SH3PXD2B: variants seen among roughly 807,000 people sequenced by gnomAD.
The protein encoded by SH3PXD2B is SH3 and PX domain-containing protein 2B.
SH3PXD2B carries 37 observed loss-of-function variants against 73.1 expected under a neutral mutation model. The observed-to-expected ratio is 0.51, with a 90% CI of 0.39 to 0.67. The LOEUF is 0.67. SH3PXD2B is among the 30% of genes least tolerant of loss of function. The probability of loss-of-function intolerance (pLI) is 0.00; values close to 1 mark genes in which losing one functional copy is unlikely to be tolerated. For synonymous variants in SH3PXD2B, 457 were observed against 480.5 expected (o/e 0.95, Z 0.64); for missense variants, 1,053 against 1,197.8 (o/e 0.88, Z 1.78).
chr5:172,333,739 G>T lies in SH3PXD2B; in HGVS notation c.*4630C>A. The stretch of plus-strand genomic sequence containing the variant: ...GATCTCCAGCGTCATCCTATGAGCA[G>T]ACACGAGGTGGTGGGCAGTGCCCAC... On this transcript the variant is annotated 3_prime_UTR_variant, in exon 13 of 13. Coordinates refer to ENST00000311601, the MANE Select transcript of SH3PXD2B (RefSeq NM_001017995.3). 7.8e-7 allele frequency: 1 copy of T among 1,289,432 alleles called. No individual in the cohort carries two copies. Among genetic ancestry groups the T allele is most frequent in the Non-Finnish European group, 1.0e-6 (1 of 988,812 alleles). 79.9% of individuals were successfully genotyped at this position (1,289,432 alleles called of 1,614,324 possible).
At chr5:172,384,209 C>T (rs1381809668) in intron 4 of SH3PXD2B, among the ~76,000 whole-genome samples, 1 of 152,100 alleles carries the variant, frequency 6.6e-6, no homozygotes, top group Non-Finnish European at 1.5e-5. Context: ...AAGTGATGTG[C>T]CGACGCTGCA....
intron 1 of SH3PXD2B, among the ~76,000 whole-genome samples, chr5:172,439,109 G>A (rs556781558): frequency 1.3e-5 from 2 of 151,698 alleles, no homozygotes; most frequent in African/African-American, 2.4e-5. Flanking sequence ...CTGTGGTGGT[G>A]CGCACCTGTA....
At chr5:172,341,470 T>C (rs1402986173) in intron 12 of SH3PXD2B, among the ~76,000 whole-genome samples, 1 of 152,158 alleles carries the variant, frequency 6.6e-6, no homozygotes, top group Non-Finnish European at 1.5e-5. Context: ...CTTGCCACTC[T>C]CTCTTGCTCC....
At chr5:172,384,403 G>A (rs1204965431) in intron 4 of SH3PXD2B, among the ~76,000 whole-genome samples, 6 of 152,064 alleles carry the variant, frequency 3.9e-5, no homozygotes, top group South Asian at 2.1e-4. Context: ...TGTACCGTAC[G>A]GTGCATTAAG....
chr5:172,369,726 C>G (rs1757660617), intron 6 of SH3PXD2B, among the ~76,000 whole-genome samples: 1 of 152,146 alleles, frequency 6.6e-6, no homozygotes, highest in African/African-American at 2.4e-5. Flanking sequence ...CGAGATCGCA[C>G]CACTGAACTC....
At chr5:172,380,316 C>T (rs1757915123) in intron 5 of SH3PXD2B, among the ~76,000 whole-genome samples, 1 of 152,180 alleles carries the variant, frequency 6.6e-6, no homozygotes, top group African/African-American at 2.4e-5. Context: ...CCGCCTCGGC[C>T]TCCTAAAGTG....
At chr5:172,395,666 G>A (rs1019687434) in intron 3 of SH3PXD2B, among the ~76,000 whole-genome samples, 2 of 152,180 alleles carry the variant, frequency 1.3e-5, no homozygotes, top group African/African-American at 2.4e-5. Context: ...TAGTGGCGAA[G>A]CATATGCACT....
Position 172,445,053 on chromosome 5 carries a change from AC to A in SH3PXD2B, c.75+9224del, listed in dbSNP as rs1490786047. On this transcript the variant is annotated intron_variant, in intron 1 of 12. Coordinates refer to ENST00000311601, the MANE Select transcript of SH3PXD2B (RefSeq NM_001017995.3). The surrounding 1 kb of genome is among the most constrained non-coding windows in gnomAD (Gnocchi z 5.2). ...ATTTCTTTGCCCTCCTGTTCTCTCTACCTGTAACTCCTTCACCCTTGCCCAC... is the reference window on the plus strand; with the variant it reads ...ATTTCTTTGCCCTCCTGTTCTCTCTACTGTAACTCCTTCACCCTTGCCCAC... 6.6e-6 allele frequency among the ~76,000 whole-genome samples: 1 copy of A among 151,738 alleles called. No homozygotes were observed. Among genetic ancestry groups the A allele is most frequent in the Non-Finnish European group, 1.5e-5 (1 of 67,938 alleles).
intron 6 of SH3PXD2B, among the ~76,000 whole-genome samples, chr5:172,364,390 C>T (rs1465032626): frequency 6.6e-6 from 1 of 152,084 alleles, no homozygotes; most frequent in East Asian, 1.9e-4. Flanking sequence ...ATTGGCCAGG[C>T]GTGGTGGCTC....
intron 5 of SH3PXD2B, among the ~76,000 whole-genome samples, chr5:172,376,070 C>A (rs1018195869): frequency 6.8e-6 from 1 of 146,518 alleles, no homozygotes; most frequent in African/African-American, 2.6e-5. Flanking sequence ...CACTCTGTTG[C>A]GCAGGCTGGA....
At position 172,367,895 on chromosome 5, in the gene SH3PXD2B, A is replaced by G. The variant is rs542154218; in HGVS notation, c.428-5026T>C. ...TGGTGTTGCATGGCAGAGCAGCAAG[A>G]TGGGGGCCTGGGTCCCTGCTACCAT... On this transcript the variant is annotated intron_variant, in intron 6 of 12. Coordinates refer to ENST00000311601, the MANE Select transcript of SH3PXD2B (RefSeq NM_001017995.3). 3.3e-5 allele frequency among the ~76,000 whole-genome samples: 5 copies of G among 152,288 alleles called. No homozygotes were observed. The South Asian group carries it at 1.0e-3, about 32-fold the overall frequency.
At chr5:172,359,365 C>A (rs941733280) in intron 7 of SH3PXD2B, among the ~76,000 whole-genome samples, 4 of 118,568 alleles carry the variant, frequency 3.4e-5, no homozygotes, top group Non-Finnish European at 6.4e-5. Context: ...CCAGCCCGGG[C>A]GACAGAGTGA....
intron 1 of SH3PXD2B, among the ~76,000 whole-genome samples, chr5:172,443,710 C>T (rs1759599894): frequency 6.6e-6 from 1 of 152,260 alleles, no homozygotes; most frequent in Admixed American, 6.5e-5. Flanking sequence ...TGCTGATTCA[C>T]ACCTTGGCTG....
chr5:172,451,830 T>C (rs1759803252), intron 1 of SH3PXD2B, among the ~76,000 whole-genome samples: 2 of 152,308 alleles, frequency 1.3e-5, no homozygotes, highest in South Asian at 2.1e-4. Flanking sequence ...CTGTTTCCAT[T>C]GGGTTTGGCC....
intron 4 of SH3PXD2B, among the ~76,000 whole-genome samples, chr5:172,383,424 G>A (rs1757990683): frequency 6.6e-6 from 1 of 152,182 alleles, no homozygotes; most frequent in Admixed American, 6.5e-5. Flanking sequence ...GCTCAGCACT[G>A]CACTAGTTTC....
intron 8 of SH3PXD2B, among the ~76,000 whole-genome samples, chr5:172,358,175 GAGTGA>G (rs1276142841): frequency 5.9e-5 from 9 of 152,234 alleles, no homozygotes; most frequent in Non-Finnish European, 1.2e-4. Context: ...CCCTGCTGAT[GAGTGA>G]AGTGAACTCA....
intron 3 of SH3PXD2B, among the ~76,000 whole-genome samples, chr5:172,396,003 G>A (rs1021600083): frequency 1.1e-4 from 17 of 152,026 alleles, no homozygotes; most frequent in Non-Finnish European, 1.9e-4. Flanking sequence ...GGTTTCTGGT[G>A]AGATGGCTAT....
In SH3PXD2B at chr5:172,395,957, T is replaced by C. The variant is rs149037117; in HGVS notation, c.233-1318A>G. 4.0e-3 allele frequency among the ~76,000 whole-genome samples: 606 copies of C among 152,146 alleles called. 4 individuals carry two copies. The highest frequency in any genetic ancestry group is 0.017 in the Middle Eastern group (5 of 294). ...AAAAGAGGAATTTGGGTCAAGAGGC[T>C]GGCAAGGTGAAGAGAGATTACTATT... On this transcript the variant is annotated intron_variant, in intron 3 of 12. Coordinates refer to ENST00000311601, the MANE Select transcript of SH3PXD2B (RefSeq NM_001017995.3).
intron 12 of SH3PXD2B, chr5:172,325,434 A>G (rs1036441087): frequency 4.8e-5 from 59 of 1,239,662 alleles, no homozygotes; most frequent in Non-Finnish European, 6.2e-5. Context: ...TCCAAACGAA[A>G]GACTAACGTG....
Sources: allele counts gnomAD v4.1 joint callset (sites outside exome capture counted in the v4.1 genomes callset), GRCh38; gene constraint gnomAD v4.1.1; non-coding constraint Gnocchi (gnomAD v3.1); transcripts MANE v1.5; gene names NCBI Gene and HGNC (gene_info 2026-07-23, HGNC 2026-07-21).